DCUN1D3: variants seen among roughly 807,000 people sequenced by gnomAD.
DCUN1D3 encodes the protein DCN1-like protein 3.
Under a neutral mutation model 24.8 loss-of-function variants are expected in DCUN1D3, and 6 were observed. That is an observed-to-expected ratio of 0.24 (90% confidence interval 0.13 to 0.48). DCUN1D3 has a LOEUF of 0.48. DCUN1D3 is among the 20% of genes least tolerant of loss of function. The pLI is 0.99. For missense variants in DCUN1D3, 258 were observed against 379.4 expected (o/e 0.68, Z 2.66); for synonymous variants, 120 against 144.9 (o/e 0.83, Z 1.24).
chr16:20,886,243 G>A (rs562702383), intron 1 of DCUN1D3, among the ~76,000 whole-genome samples: 5 of 151,976 alleles, frequency 3.3e-5, no homozygotes, highest in Admixed American at 6.6e-5. Flanking sequence ...TCCTGAAATC[G>A]GGACCTGCTC....
At chr16:20,881,003 TAG>T (rs753859229) in intron 1 of DCUN1D3, among the ~76,000 whole-genome samples, 5 of 152,348 alleles carry the variant, frequency 3.3e-5, no homozygotes, top group Admixed American at 6.5e-5. Context: ...CATACTCCGA[TAG>T]AGTGGTTTTT....
In DCUN1D3 at chr16:20,857,889, T is replaced by C. The variant is rs2081710089; in HGVS notation, c.*1997A>G. On this transcript the variant is annotated 3_prime_UTR_variant, in exon 3 of 3. Transcript: ENST00000324344. ...ATATCAGTTTTAGAAAAATACCAAC[T>C]GCCAAAACTCTTTAATAATCCTTAA... is the stretch of plus-strand genomic sequence containing the variant. 6.6e-6 allele frequency: 1 copy of C among 151,980 alleles called. No homozygotes were observed. Among genetic ancestry groups the C allele is most frequent in the Non-Finnish European group, 1.5e-5 (1 of 67,984 alleles). The allele number at this position is 151,980 out of a possible 1,614,324, so 9.4% of individuals were successfully genotyped here.
chr16:20,872,043 A>G (rs1045825875), intron 1 of DCUN1D3, among the ~76,000 whole-genome samples: 4 of 152,214 alleles, frequency 2.6e-5, no homozygotes, highest in African/African-American at 9.6e-5. Flanking sequence ...GCCTCAGTAG[A>G]GCCCACTGAA....
chr16:20,875,710 T>C (rs1336380048), intron 1 of DCUN1D3, among the ~76,000 whole-genome samples: 1 of 152,176 alleles, frequency 6.6e-6, no homozygotes, highest in Non-Finnish European at 1.5e-5. Context: ...TCTAGGACAC[T>C]GGTCTGGGCA....
chr16:20,891,227 C>T (rs553208939), intron 1 of DCUN1D3, among the ~76,000 whole-genome samples: 1 of 152,096 alleles, frequency 6.6e-6, no homozygotes, highest in East Asian at 1.9e-4. Context: ...CTCCTGACCT[C>T]GTGATCCACC....
intron 1 of DCUN1D3, among the ~76,000 whole-genome samples, chr16:20,863,113 T>C (rs1189502001): frequency 2.0e-5 from 3 of 152,180 alleles, no homozygotes; most frequent in Non-Finnish European, 2.9e-5. Context: ...TTCAGAACAA[T>C]AGTCTCATAA....
intron 1 of DCUN1D3, among the ~76,000 whole-genome samples, chr16:20,874,383 C>A (rs1170826952): frequency 1.3e-5 from 2 of 152,192 alleles, no homozygotes; most frequent in Non-Finnish European, 2.9e-5. Flanking sequence ...AATTTTTACA[C>A]CGTTAGACCT....
chr16:20,899,514 T>C (rs2152520089), intron 1 of DCUN1D3, among the ~76,000 whole-genome samples: 1 of 150,196 alleles, frequency 6.7e-6, no homozygotes, highest in South Asian at 2.1e-4. Context: ...AGGCACTAAG[T>C]GCCATAAAGG....
intron 1 of DCUN1D3, among the ~76,000 whole-genome samples, chr16:20,874,476 G>A (rs1351895450): frequency 1.3e-5 from 2 of 152,174 alleles, no homozygotes; most frequent in African/African-American, 4.8e-5. Context: ...TGTTCCCAAA[G>A]AGGAACCCCG....
chr16:20,879,093 T>C (rs545162284), intron 1 of DCUN1D3, among the ~76,000 whole-genome samples: 10 of 152,304 alleles, frequency 6.6e-5, no homozygotes, highest in African/African-American at 2.4e-4. Context: ...GGAGGCTGTT[T>C]TATAAAAACA....
At position 20,862,432 on chromosome 16, in the gene DCUN1D3, T is replaced by C. The variant is rs1361627621; in HGVS notation, c.107A>G (p.His36Arg). 2 of 1,613,832 alleles carry C rather than the reference T, an allele frequency of 1.2e-6. No individual in the cohort carries two copies. The highest frequency in any genetic ancestry group is 1.7e-6 in the Non-Finnish European group (2 of 1,180,008). The change falls in exon 2 of 3, where the codon CAC (histidine) becomes CGC (arginine). Residue 36 changes from histidine to arginine, a missense_variant. By Grantham distance (29) the His-to-Arg change is conservative. Coordinates refer to ENST00000324344, the MANE Select transcript of DCUN1D3 (RefSeq NM_173475.4). The part of the protein sequence containing the change: ...NKSHSRRGAG[H>R]REEQVPPCGK... ...ACAGGGTGGTACCTGCTCCTCACGG[T>C]GGCCTGCACCCCTCCTGCTATGTGA...
In DCUN1D3 at chr16:20,860,426, A is replaced by G; in HGVS notation, c.432-57T>C. ...TTATAAACTATACTATTTACAGGCA[A>G]TATACATAGTGATTAAGAGCAAGGC... On this transcript the variant is annotated intron_variant, in intron 2 of 2. Coordinates refer to ENST00000324344, the MANE Select transcript of DCUN1D3 (RefSeq NM_173475.4). This position sits in a 1 kb window ranked among gnomAD's most constrained non-coding sequence, Gnocchi z 4.3. The G allele has an allele frequency of 2.6e-6, 4 of 1,524,728 alleles. No individual in the cohort carries two copies. Among genetic ancestry groups the G allele is most frequent in the Non-Finnish European group, 3.5e-6 (4 of 1,136,512 alleles). 94.4% of individuals were successfully genotyped at this position (1,524,728 alleles called of 1,614,324 possible). A position where few individuals can be genotyped will look rare whatever the true frequency, so the allele number is the denominator to read the frequency against.
rs1452290716 is a variant in DCUN1D3 at position 20,863,730 on chromosome 16, C to A, written c.-105-1087G>T. ...TCCACTGCAACCTGGGTGACAAAGACCCTGTGTAAAAAAATTGAAAAAATC... is the reference window on the plus strand; with the variant it reads ...TCCACTGCAACCTGGGTGACAAAGAACCTGTGTAAAAAAATTGAAAAAATC... On this transcript the variant is annotated intron_variant, in intron 1 of 2. Coordinates refer to ENST00000324344, the MANE Select transcript of DCUN1D3 (RefSeq NM_173475.4). Among the ~76,000 whole-genome samples, 4 of 152,162 alleles carry A rather than the reference C, an allele frequency of 2.6e-5. No homozygotes were observed. The East Asian group carries it at 7.7e-4, about 29-fold the overall frequency.
At chr16:20,870,905 G>A (rs1176233694) in intron 1 of DCUN1D3, among the ~76,000 whole-genome samples, 5 of 152,176 alleles carry the variant, frequency 3.3e-5, no homozygotes, top group African/African-American at 1.2e-4. Flanking sequence ...AGCTGCCAGG[G>A]GCTGAGGCGG....
intron 1 of DCUN1D3, among the ~76,000 whole-genome samples, chr16:20,880,604 C>CAAAAAAAAAAAAAAAAAAAAAAAAAA (rs34275241): frequency 3.9e-5 from 2 of 51,922 alleles, no homozygotes; most frequent in African/African-American, 1.8e-4. Context: ...GACCCTGTCT[C>CAAAAAAAAAAAAAAAAAAAAAAAAAA]AAAAAAAAAA....
At position 20,862,171 on chromosome 16, in the gene DCUN1D3, G is replaced by A; in HGVS notation, c.368C>T (p.Thr123Ile). 6.2e-7 allele frequency: 1 copy of A among 1,614,204 alleles called. No homozygotes were observed. Among genetic ancestry groups the A allele is most frequent in the Non-Finnish European group, 8.5e-7 (1 of 1,180,042 alleles). ...AGCCAAGAGCAGCACTCGAAATTCT[G>A]TGGGGTCAACACACAGGTCATTGCA... is the stretch of plus-strand genomic sequence containing the variant. ...RFCNDLCVDP[T>I]EFRVLLLAWK... Residue 123 changes from threonine (T) to isoleucine (I), a missense_variant, in exon 2 of 3, where the codon ACA (threonine) becomes ATA (isoleucine). Coordinates refer to ENST00000324344, the MANE Select transcript of DCUN1D3 (RefSeq NM_173475.4).
intron 1 of DCUN1D3, among the ~76,000 whole-genome samples, chr16:20,882,643 T>A (rs2081850157): frequency 1.3e-5 from 2 of 152,060 alleles, no homozygotes; most frequent in Admixed American, 1.3e-4. Context: ...GACAATAAAG[T>A]CCTTAAGAGC....
intron 1 of DCUN1D3, among the ~76,000 whole-genome samples, chr16:20,868,529 T>C: frequency 6.6e-6 from 1 of 152,148 alleles, no homozygotes; most frequent in East Asian, 1.9e-4. Context: ...CACTATTGGG[T>C]AGAATAAATA....
chr16:20,893,154 C>CT (rs1215188861), intron 1 of DCUN1D3, among the ~76,000 whole-genome samples: 1 of 151,914 alleles, frequency 6.6e-6, no homozygotes, highest in Non-Finnish European at 1.5e-5. Flanking sequence ...TGCTCTGTAA[C>CT]TTTAAGCATT....
Sources: allele counts gnomAD v4.1 joint callset (sites outside exome capture counted in the v4.1 genomes callset), GRCh38; gene constraint gnomAD v4.1.1; non-coding constraint Gnocchi (gnomAD v3.1); transcripts MANE v1.5; gene names NCBI Gene and HGNC (gene_info 2026-07-23, HGNC 2026-07-21).